CDH13: variants seen among roughly 807,000 people sequenced by gnomAD.
CDH13 encodes cadherin-13.
In CDH13, 24 loss-of-function variants were observed where a neutral mutation model predicts 63.8. That is an observed-to-expected ratio of 0.38 (90% confidence interval 0.27 to 0.53). The LOEUF is 0.53. Ranked by LOEUF, CDH13 falls within the 20% of genes least tolerant of loss-of-function variation. The pLI is 0.85. For missense variants in CDH13, 1,049 were observed against 903.1 expected, an observed-to-expected ratio of 1.16 and a Z score of -2.07; for synonymous variants, 503 against 355.3, an observed-to-expected ratio of 1.42 and a Z score of -4.67.
chr16:83,214,341 A>G (rs1044540760), intron 4 of CDH13, among the ~76,000 whole-genome samples: 1 of 151,986 alleles, frequency 6.6e-6, no homozygotes, highest in Non-Finnish European at 1.5e-5. Context: ...GCACTTTGGG[A>G]GGCTGAGGCG....
At chr16:83,283,108 T>C (rs1318001224) in intron 5 of CDH13, among the ~76,000 whole-genome samples, 1 of 152,190 alleles carries the variant, frequency 6.6e-6, no homozygotes, top group Non-Finnish European at 1.5e-5. Context: ...TCCTCTTCTC[T>C]AGAAACCCTG....
chr16:83,172,486 C>T (rs1315770789), intron 4 of CDH13, among the ~76,000 whole-genome samples: 2 of 151,310 alleles, frequency 1.3e-5, no homozygotes, highest in Admixed American at 1.3e-4. Flanking sequence ...GAGACTCTGT[C>T]TCAAAAAAGA....
chr16:83,522,121 G>A (rs192418546), intron 7 of CDH13, among the ~76,000 whole-genome samples: 2 of 152,256 alleles, frequency 1.3e-5, no homozygotes, highest in Admixed American at 1.3e-4. Context: ...CCAGCTCTCT[G>A]CCCACCGGGT....
chr16:83,400,606 A>G (rs1328385209), intron 6 of CDH13, among the ~76,000 whole-genome samples: 1 of 152,214 alleles, frequency 6.6e-6, no homozygotes, highest in Non-Finnish European at 1.5e-5. Flanking sequence ...TTACTTTTGC[A>G]CCAACCTAAT....
intron 6 of CDH13, among the ~76,000 whole-genome samples, chr16:83,474,218 T>C (rs1351003310): frequency 1.3e-5 from 2 of 152,116 alleles, no homozygotes; most frequent in Non-Finnish European, 2.9e-5. Flanking sequence ...ACTGCAAAGG[T>C]CTCCTCCTCA....
intron 9 of CDH13, among the ~76,000 whole-genome samples, chr16:83,675,430 G>A (rs1331646074): frequency 6.6e-6 from 1 of 152,148 alleles, no homozygotes; most frequent in Admixed American, 6.5e-5. Flanking sequence ...GTGGCTTCCT[G>A]CATGGCATAG....
intron 6 of CDH13, among the ~76,000 whole-genome samples, chr16:83,446,972 T>C (rs143847047): frequency 6.8e-4 from 100 of 146,212 alleles, no homozygotes; most frequent in Non-Finnish European, 1.2e-3. Flanking sequence ...TGCCACCTAA[T>C]GGTCATGTAC....
At chr16:83,046,934 C>T (rs578196375) in intron 3 of CDH13, among the ~76,000 whole-genome samples, 26 of 152,296 alleles carry the variant, frequency 1.7e-4, no homozygotes, top group South Asian at 4.2e-4. Flanking sequence ...TCCCTTTCCC[C>T]GATGGCTACA....
chr16:83,232,526 A>C (rs932981482), intron 5 of CDH13, among the ~76,000 whole-genome samples: 2 of 148,520 alleles, frequency 1.3e-5, no homozygotes, highest in African/African-American at 5.2e-5. Flanking sequence ...TCTGTCTCAA[A>C]AAACGACAAC....
chr16:83,653,880 G>A (rs532904528), intron 8 of CDH13, among the ~76,000 whole-genome samples: 8 of 152,262 alleles, frequency 5.3e-5, no homozygotes, highest in African/African-American at 1.9e-4. Context: ...TCAGCACGGC[G>A]TCATCAGCCA....
chr16:83,340,537 A>G (rs1282951755), intron 5 of CDH13, among the ~76,000 whole-genome samples: 1 of 152,146 alleles, frequency 6.6e-6, no homozygotes, highest in Non-Finnish European at 1.5e-5. Flanking sequence ...TTGGATTTCC[A>G]TCTCCAACCC....
Position 83,268,638 on chromosome 16 carries a change from A to G in CDH13, c.636+51141A>G, listed in dbSNP as rs547100294. Among the ~76,000 whole-genome samples the G allele has an allele frequency of 3.3e-5, 5 of 152,336 alleles. No individual in the cohort carries two copies. The East Asian group carries it at 5.8e-4, about 18-fold the overall frequency. On this transcript the variant is annotated intron_variant, in intron 5 of 13. Coordinates refer to ENST00000567109, the MANE Select transcript of CDH13 (RefSeq NM_001257.5). ...GACATGAAGTGAAATGCACATTTCA[A>G]TGGGTGTCGCATCCTGGTCTCAATA...
At chr16:83,588,103 C>A (rs1228837597) in intron 7 of CDH13, among the ~76,000 whole-genome samples, 2 of 152,196 alleles carry the variant, frequency 1.3e-5, no homozygotes, top group African/African-American at 4.8e-5. Flanking sequence ...GGGGCATCTG[C>A]CTCAAGGTGG....
chr16:83,003,704 G>T (rs1330967655), intron 2 of CDH13, among the ~76,000 whole-genome samples: 4 of 152,186 alleles, frequency 2.6e-5, no homozygotes, highest in Non-Finnish European at 5.9e-5. Flanking sequence ...TCTTCACATA[G>T]CATTAGAGCA....
intron 3 of CDH13, among the ~76,000 whole-genome samples, chr16:83,060,768 T>C (rs2031467611): frequency 6.6e-6 from 1 of 152,208 alleles, no homozygotes; most frequent in Admixed American, 6.5e-5. Flanking sequence ...ATAACTGTCT[T>C]ATTCTGTACC....
chr16:83,050,966 C>T (rs1262016843), intron 3 of CDH13, among the ~76,000 whole-genome samples: 1 of 152,192 alleles, frequency 6.6e-6, no homozygotes, highest in African/African-American at 2.4e-5. Flanking sequence ...CATGTGGTTT[C>T]TACCTGCAAA....
At chr16:83,491,455 T>A (rs1455949214) in intron 7 of CDH13, among the ~76,000 whole-genome samples, 1 of 152,214 alleles carries the variant, frequency 6.6e-6, no homozygotes, top group African/African-American at 2.4e-5. Flanking sequence ...GTTTGATAAA[T>A]GTTTTATTTA....
chr16:83,659,070 C>T (rs1277350047), intron 8 of CDH13, among the ~76,000 whole-genome samples: 1 of 146,550 alleles, frequency 6.8e-6, no homozygotes, highest in Non-Finnish European at 1.5e-5. Context: ...GGTCCCATAT[C>T]CTCACCAGCA....
At chr16:83,297,078 A>T (rs1439084573) in intron 5 of CDH13, among the ~76,000 whole-genome samples, 1 of 152,170 alleles carries the variant, frequency 6.6e-6, no homozygotes, top group Non-Finnish European at 1.5e-5. Context: ...TTTAATAAGC[A>T]TGGGGGGAGA....
Sources: gnomAD v4.1 joint callset for allele counts (sites outside exome capture counted in the v4.1 genomes callset) on GRCh38, gnomAD v4.1.1 for gene constraint, MANE v1.5 for transcripts, NCBI Gene and HGNC (gene_info 2026-07-23, HGNC 2026-07-21) for gene names.